The following LMO7 variants were observed in gnomAD, a reference collection of about 807,000 sequenced individuals.
The protein encoded by LMO7 is LIM domain 7.
LMO7 carries 120 observed loss-of-function variants against 206.5 expected under a neutral mutation model. The observed-to-expected ratio is 0.58, with a 90% CI of 0.50 to 0.68. LMO7 has a LOEUF of 0.68. LMO7 is among the 30% of genes least tolerant of loss of function. The pLI, the probability that LMO7 is intolerant of heterozygous loss-of-function variation, is 0.00. For synonymous variants in LMO7, 706 were observed against 681.5 expected, an observed-to-expected ratio of 1.04 and a Z score of -0.56; for missense variants, 1,959 against 1,957.9, an observed-to-expected ratio of 1.00 and a Z score of -0.01.
chr13:75,856,355 A>AC (rs1282413941), intron 29 of LMO7, 151 bp from the exon 30 acceptor site: 2 of 579,174 alleles, frequency 3.5e-6, no homozygotes, highest in Non-Finnish European at 6.1e-6. Context: ...ATTTGAATCT[A>AC]CTAATCATCT....
Position 75,840,309 on chromosome 13 carries a change from A to C in LMO7, c.3478-82A>C. Reference sequence around the variant, plus strand: ...AAGCAAACTGTGATATGAATAATTTATGTGTGCAAAAGTGGTTCAGTAGAT... The same window carrying C: ...AAGCAAACTGTGATATGAATAATTTCTGTGTGCAAAAGTGGTTCAGTAGAT... On this transcript the variant is annotated intron_variant, in intron 21 of 30. Coordinates refer to ENST00000377534, the MANE Select transcript of LMO7 (RefSeq NM_001306080.2). The C allele has an allele frequency of 2.0e-6, 3 of 1,490,544 alleles. No homozygotes were observed. In the South Asian group the frequency reaches 3.4e-5, roughly 17 times the overall value. 92.3% of individuals were successfully genotyped at this position (1,490,544 alleles called of 1,614,324 possible). A position where few individuals can be genotyped will look rare whatever the true frequency, so the allele number is the denominator to read the frequency against.
chr13:75,670,366 C>A (rs184691805), intron 1 of LMO7, among the ~76,000 whole-genome samples: 12 of 152,134 alleles, frequency 7.9e-5, no homozygotes, highest in Admixed American at 7.9e-4. Context: ...GATGGGGATA[C>A]CCTTCTGCGA....
chr13:75,682,723 T>C (rs1247028340), intron 1 of LMO7, among the ~76,000 whole-genome samples: 2 of 152,198 alleles, frequency 1.3e-5, no homozygotes, highest in Non-Finnish European at 2.9e-5. Flanking sequence ...GTCCATTTCA[T>C]TGTTCATTTA....
rs139840650 is a variant in LMO7, at chr13:75,724,423, A to G, written c.141-2606A>G. Among the ~76,000 whole-genome samples, 442 of 152,278 alleles carry G rather than the reference A, an allele frequency of 2.9e-3. 7 individuals carry two copies. In the East Asian group the frequency reaches 0.052, roughly 18 times the overall value. ...AAAAAATGGCTCCTTGACTGATTCTAGATCCTAGTACATAGAGGTATCTGG... is the reference window on the plus strand; with the variant it reads ...AAAAAATGGCTCCTTGACTGATTCTGGATCCTAGTACATAGAGGTATCTGG... On this transcript the variant is annotated intron_variant, in intron 2 of 30. Transcript: ENST00000377534.
chr13:75,796,517 A>C (rs1454296387), intron 5 of LMO7, 119 bp from the exon 6 acceptor site: 2 of 605,202 alleles, frequency 3.3e-6, no homozygotes, highest in South Asian at 2.2e-5. Flanking sequence ...AAGAAAGTCT[A>C]CTTTTCACTT....
At chr13:75,623,507 GT>G (rs1159418779) in intron 2 of LMO7, among the ~76,000 whole-genome samples, 1 of 151,852 alleles carries the variant, frequency 6.6e-6, no homozygotes, top group Non-Finnish European at 1.5e-5. Context: ...GGGATTACAG[GT>G]GTATGCCACC....
At chr13:75,726,919 G>T in intron 2 of LMO7, 110 bp from the exon 3 acceptor site, 1 of 700,654 alleles carries the variant, frequency 1.4e-6, no homozygotes, top group South Asian at 1.5e-5. Flanking sequence ...TTGGCTCTCT[G>T]TATAACACAT....
chr13:75,659,607 G>A lies in LMO7; in HGVS notation c.69+22881G>A, dbSNP rs1016819332. 2.6e-5 allele frequency among the ~76,000 whole-genome samples: 4 copies of A among 152,030 alleles called. No individual in the cohort carries two copies. The East Asian group carries it at 7.7e-4, about 29-fold the overall frequency. Reference sequence around the variant, plus strand: ...TTATTCACTATGACAAGAATAGCACGGGAAAGACCGGCCCACATGATTCAA... The same window carrying A: ...TTATTCACTATGACAAGAATAGCACAGGAAAGACCGGCCCACATGATTCAA... On this transcript the variant is annotated intron_variant, in intron 1 of 30. Transcript: ENST00000377534.
rs752756247 is a variant in LMO7, at chr13:75,805,676, A to G, written c.1112A>G (p.Lys371Arg). The change falls in exon 9 of 31, where the codon AAA (lysine) becomes AGA (arginine). Residue 371 changes from lysine to arginine, a missense_variant. Transcript: ENST00000377534. ...PGNAFDQFLP[K>R]CWTPEDVNWK... ...AATGCTTTTGATCAGTTTCTTCCCA[A>G]ATGTTGGACCCCAGAAGATGTGAAC... is the stretch of plus-strand genomic sequence containing the variant. 7 of 1,613,894 alleles carry G rather than the reference A, an allele frequency of 4.3e-6. No individual in the cohort carries two copies. The highest frequency in any genetic ancestry group is 5.1e-6 in the Non-Finnish European group (6 of 1,179,880).
intron 3 of LMO7, among the ~76,000 whole-genome samples, chr13:75,737,917 C>A (rs1278741672): frequency 6.9e-6 from 1 of 145,054 alleles, no homozygotes; most frequent in Non-Finnish European, 1.5e-5. Context: ...CCATTTCCAG[C>A]AGAATTTTTT....
chr13:75,692,977 C>T (rs2041614233), intron 1 of LMO7, among the ~76,000 whole-genome samples: 1 of 152,228 alleles, frequency 6.6e-6, no homozygotes, highest in African/African-American at 2.4e-5. Flanking sequence ...ACTCTGCATA[C>T]TCCTGTGAAA....
chr13:75,803,312 C>G (rs1485383537), intron 7 of LMO7, among the ~76,000 whole-genome samples: 1 of 152,188 alleles, frequency 6.6e-6, no homozygotes, highest in Non-Finnish European at 1.5e-5. Context: ...GCATTTAACT[C>G]AGGTTAACCC....
chr13:75,837,388 T>C (rs2059213042), intron 19 of LMO7, among the ~76,000 whole-genome samples: 1 of 152,188 alleles, frequency 6.6e-6, no homozygotes, highest in South Asian at 2.1e-4. Context: ...GTGAGATAGG[T>C]GATCAGACAT....
chr13:75,823,902 G>A, intron 15 of LMO7, 29 bp downstream of exon 15: 1 of 1,574,966 alleles, frequency 6.3e-7, no homozygotes, highest in East Asian at 2.2e-5. Flanking sequence ...TTTATCATCT[G>A]TGGCTCAGAC....
At chr13:75,739,969 C>G (rs2139140118) in intron 3 of LMO7, among the ~76,000 whole-genome samples, 1 of 152,288 alleles carries the variant, frequency 6.6e-6, no homozygotes, top group East Asian at 1.9e-4. Flanking sequence ...AAAAAGCCCA[C>G]TTCTCTTTTC....
In LMO7 at chr13:75,672,873, C is replaced by G. The variant is rs536277952; in HGVS notation, c.69+36147C>G. 1.1e-4 allele frequency among the ~76,000 whole-genome samples: 17 copies of G among 152,280 alleles called. No homozygotes were observed. The South Asian group carries it at 3.5e-3, about 32-fold the overall frequency. On this transcript the variant is annotated intron_variant, in intron 1 of 30. Transcript: ENST00000377534. ...GTTCTCTTCCCTTCTTTTGTAGGAG[C>G]TCTTTCCTTATAGAAATTGGCTCTT...
At chr13:75,855,420 G>A (rs373770430) in intron 29 of LMO7, 52 bp downstream of exon 29, 81 of 1,226,232 alleles carry the variant, frequency 6.6e-5, no homozygotes, top group Non-Finnish European at 9.0e-5. Context: ...CTTGGAGAGC[G>A]CATGGCTGCT....
intron 8 of LMO7, 60 bp from the exon 9 acceptor site, chr13:75,805,419 T>C (rs2055314141): frequency 3.3e-6 from 5 of 1,536,332 alleles, no homozygotes; most frequent in Non-Finnish European, 4.4e-6. Flanking sequence ...AAGCATGCCA[T>C]TTGTGTTCTG....
intron 7 of LMO7, among the ~76,000 whole-genome samples, chr13:75,801,237 CAA>C (rs200955354): frequency 7.1e-5 from 8 of 113,380 alleles, no homozygotes; most frequent in Admixed American, 8.7e-5. Context: ...TAAGATTCTG[CAA>C]AAAAAAAAAA....
Sources: gnomAD v4.1 joint callset for allele counts (sites outside exome capture counted in the v4.1 genomes callset) on GRCh38, gnomAD v4.1.1 for gene constraint, MANE v1.5 for transcripts, NCBI Gene and HGNC (gene_info 2026-07-23, HGNC 2026-07-21) for gene names.